INPP4B: variants seen among roughly 807,000 people sequenced by gnomAD.
INPP4B encodes inositol polyphosphate 4-phosphatase type II.
INPP4B carries 55 observed loss-of-function variants against 122.5 expected under a neutral mutation model. That is an observed-to-expected ratio of 0.45 (90% CI 0.36 to 0.56). INPP4B has a LOEUF of 0.56. INPP4B is among the 20% of genes least tolerant of loss of function. INPP4B has a pLI of 0.00. For missense variants in INPP4B, 1,000 were observed against 1,097.7 expected, an observed-to-expected ratio of 0.91 and a Z score of 1.26; for synonymous variants, 403 against 388.7, an observed-to-expected ratio of 1.04 and a Z score of -0.43.
chr4:142,177,179 C>T (rs1176074259), intron 15 of INPP4B, among the ~76,000 whole-genome samples: 1 of 152,080 alleles, frequency 6.6e-6, no homozygotes, highest in East Asian at 1.9e-4. Context: ...GAGCACCTCA[C>T]CTACTGAGGC....
At chr4:142,536,756 A>T (rs1828240732) in intron 2 of INPP4B, among the ~76,000 whole-genome samples, 1 of 152,058 alleles carries the variant, frequency 6.6e-6, no homozygotes, top group Admixed American at 6.6e-5. Context: ...CTTGACTCTA[A>T]ACGGGCAGAA....
At chr4:142,653,100 C>T (rs1034859106) in intron 2 of INPP4B, among the ~76,000 whole-genome samples, 1 of 152,092 alleles carries the variant, frequency 6.6e-6, no homozygotes, top group Non-Finnish European at 1.5e-5. Flanking sequence ...CTTTGACAAA[C>T]CTGACAAAAA....
chr4:142,802,364 C>T (rs752349633), intron 1 of INPP4B, among the ~76,000 whole-genome samples: 4 of 152,258 alleles, frequency 2.6e-5, no homozygotes, highest in Admixed American at 1.3e-4. Context: ...GAACAATTTA[C>T]CTTTTTTTCC....
At chr4:142,455,840 A>T (rs1362502789) in intron 3 of INPP4B, among the ~76,000 whole-genome samples, 1 of 151,956 alleles carries the variant, frequency 6.6e-6, no homozygotes, top group East Asian at 1.9e-4. Context: ...TTGGATAAAA[A>T]GCATTTAACT....
chr4:142,582,195 CA>C lies in INPP4B; in HGVS notation c.-190-119470del, dbSNP rs397717604. Among the ~76,000 whole-genome samples the C allele has an allele frequency of 8.8e-3, 1,244 of 140,832 alleles. 11 individuals are homozygous for C. Among genetic ancestry groups the C allele is most frequent in the African/African-American group, 0.027 (952 of 35,690 alleles). The allele number at this position is 140,832 out of a possible 152,430, so 92.4% of individuals were successfully genotyped here. ...TGAAAACATAATCATCTAATGGATA[CA>C]AAAAAAAAAAAATCTACTCACAAAT... On this transcript the variant is annotated intron_variant, in intron 2 of 25. Coordinates refer to ENST00000262992, the MANE Select transcript of INPP4B (RefSeq NM_001101669.3).
chr4:142,538,879 A>G (rs1245788953), intron 2 of INPP4B, among the ~76,000 whole-genome samples: 1 of 151,972 alleles, frequency 6.6e-6, no homozygotes. Flanking sequence ...TGCGGTAAAA[A>G]AGAGAGAATC....
At chr4:142,067,372 T>C (rs1041651254) in intron 25 of INPP4B, among the ~76,000 whole-genome samples, 1 of 152,056 alleles carries the variant, frequency 6.6e-6, no homozygotes, top group Non-Finnish European at 1.5e-5. Flanking sequence ...AAGATGGGGA[T>C]AAACCAGAGC....
At chr4:142,467,529 T>G (rs915740136) in intron 2 of INPP4B, among the ~76,000 whole-genome samples, 1 of 148,398 alleles carries the variant, frequency 6.7e-6, no homozygotes, top group Admixed American at 6.8e-5. Flanking sequence ...AAATAACTAG[T>G]TTTTTTTTTG....
intron 1 of INPP4B, among the ~76,000 whole-genome samples, chr4:142,827,764 G>A (rs772510796): frequency 1.3e-5 from 2 of 152,098 alleles, no homozygotes; most frequent in African/African-American, 2.4e-5. Context: ...GTTGAGACAC[G>A]TTAATGGTCC....
intron 2 of INPP4B, among the ~76,000 whole-genome samples, chr4:142,533,509 G>A (rs545491345): frequency 6.6e-6 from 1 of 151,904 alleles, no homozygotes; most frequent in South Asian, 2.1e-4. Flanking sequence ...AATACAGGAT[G>A]ACTCAACAAC....
intron 25 of INPP4B, among the ~76,000 whole-genome samples, chr4:142,064,435 G>C (rs1030863286): frequency 6.6e-6 from 1 of 151,994 alleles, no homozygotes; most frequent in Non-Finnish European, 1.5e-5. Context: ...CAGTGGTCTC[G>C]GTTGCCATTT....
intron 1 of INPP4B, among the ~76,000 whole-genome samples, chr4:142,772,442 A>T (rs554802024): frequency 1.3e-5 from 2 of 152,280 alleles, no homozygotes; most frequent in Admixed American, 6.5e-5. Flanking sequence ...ACAATCTGTG[A>T]ACAATCTGTT....
chr4:142,176,316 C>T (rs560046597), intron 15 of INPP4B, among the ~76,000 whole-genome samples: 32 of 151,708 alleles, frequency 2.1e-4, no homozygotes, highest in Non-Finnish European at 3.5e-4. Flanking sequence ...GATTCAATGC[C>T]ATCCCCATCA....
chr4:142,299,070 T>C (rs1760114957), intron 9 of INPP4B, among the ~76,000 whole-genome samples: 1 of 152,120 alleles, frequency 6.6e-6, no homozygotes, highest in Admixed American at 6.6e-5. Context: ...GTCTTGCTCA[T>C]ATGTGTGTGC....
chr4:142,248,137 C>T (rs1372088117), intron 11 of INPP4B, among the ~76,000 whole-genome samples: 2 of 152,022 alleles, frequency 1.3e-5, no homozygotes, highest in Non-Finnish European at 2.9e-5. Flanking sequence ...TGGTTGCTGA[C>T]CACCCCCATC....
At chr4:142,410,342 T>C (rs2149238278) in intron 5 of INPP4B, among the ~76,000 whole-genome samples, 1 of 152,348 alleles carries the variant, frequency 6.6e-6, no homozygotes. Context: ...TGACCATCTC[T>C]TTCCCCCTAA....
chr4:142,175,447 A>G (rs1013327336), intron 15 of INPP4B, among the ~76,000 whole-genome samples: 2 of 152,090 alleles, frequency 1.3e-5, no homozygotes, highest in African/African-American at 4.8e-5. Flanking sequence ...ATGCACTTTG[A>G]GGCTTGGGCC....
At chr4:142,810,289 A>T (rs1369832894) in intron 1 of INPP4B, among the ~76,000 whole-genome samples, 1 of 152,188 alleles carries the variant, frequency 6.6e-6, no homozygotes, top group African/African-American at 2.4e-5. Flanking sequence ...CTTGCCAAAA[A>T]TAAAAAAGAA....
In INPP4B at chr4:142,028,550, G is replaced by A; in HGVS notation, c.*232C>T. The A allele has an allele frequency of 2.0e-6, 1 of 490,186 alleles. No homozygotes were observed. Among genetic ancestry groups the A allele is most frequent in the South Asian group, 3.2e-5 (1 of 31,186 alleles). The allele number at this position is 490,186 out of a possible 1,614,324, so 30.4% of individuals were successfully genotyped here. On this transcript the variant is annotated 3_prime_UTR_variant, in exon 26 of 26. Coordinates refer to ENST00000262992, the MANE Select transcript of INPP4B (RefSeq NM_001101669.3). The stretch of plus-strand genomic sequence containing the variant: ...CTCAATCAGCTAGGCTCAACACATA[G>A]AAGCTTAGAACTAGAAATGACAGTA...
Sources: gnomAD v4.1 joint callset for allele counts (sites outside exome capture counted in the v4.1 genomes callset) on GRCh38, gnomAD v4.1.1 for gene constraint, MANE v1.5 for transcripts, NCBI Gene and HGNC (gene_info 2026-07-23, HGNC 2026-07-21) for gene names.